BAZ2A: variants seen among roughly 807,000 people sequenced by gnomAD.
BAZ2A encodes bromodomain adjacent to zinc finger domain protein 2A.
A neutral mutation model predicts 199.9 loss-of-function variants in BAZ2A; 34 were observed. The observed-to-expected ratio is 0.17, with a 90% confidence interval of 0.13 to 0.23. The LOEUF (loss-of-function observed/expected upper bound fraction) is 0.23. BAZ2A is among the 10% of genes least tolerant of loss of function. BAZ2A has a pLI of 1.00. For synonymous variants in BAZ2A, 857 were observed against 883.9 expected (o/e 0.97, Z 0.54); for missense variants, 2,002 against 2,391.1 (o/e 0.84, Z 3.39).
chr12:56,604,557 A>G (rs1950284472), intron 15 of BAZ2A, 28 bp downstream of exon 15: 2 of 1,543,868 alleles, frequency 1.3e-6, no homozygotes, highest in African/African-American at 2.7e-5. Flanking sequence ...AAGGGATACA[A>G]TGACCATCCC....
At chr12:56,619,616 G>A (rs1217531058) in intron 1 of BAZ2A, among the ~76,000 whole-genome samples, 2 of 151,790 alleles carry the variant, frequency 1.3e-5, no homozygotes, top group African/African-American at 4.8e-5. Context: ...GACACCATTA[G>A]TATAAATGTG....
At chr12:56,625,863 G>A (rs1421432239) in intron 1 of BAZ2A, among the ~76,000 whole-genome samples, 11 of 100,812 alleles carry the variant, frequency 1.1e-4, no homozygotes, top group Non-Finnish European at 1.9e-4. Context: ...GCGACACAGC[G>A]AAACTCCGTC....
chr12:56,613,037 G>T lies in BAZ2A; in HGVS notation c.1113C>A (p.Val371=). The T allele has an allele frequency of 6.2e-7, 1 of 1,613,510 alleles. No homozygotes were observed. Among genetic ancestry groups the T allele is most frequent in the South Asian group, 1.1e-5 (1 of 91,064 alleles). The stretch of plus-strand genomic sequence containing the variant: ...TACCTTGCAGGACAGACTCCCCTAG[G>T]ACAGGTGGAGAGGTGGGACTGGCAA... ...SIFASPTSPP[V]LGESVLQDNS... Residue 371 remains valine, a synonymous_variant, in exon 5 of 29, where the codon GTC becomes GTA. Transcript: ENST00000549884.
upstream of BAZ2A, chr12:56,635,148 C>A (rs532633857): frequency 1.7e-4 from 106 of 619,770 alleles, no homozygotes; most frequent in African/African-American, 2.0e-3. This position sits in a 1 kb window ranked among gnomAD's most constrained non-coding sequence, Gnocchi z 4.1. Flanking sequence ...GAGAGGATAG[C>A]GGGTGGCGTC....
At chr12:56,623,992 G>A (rs1366852387) in intron 1 of BAZ2A, among the ~76,000 whole-genome samples, 4 of 151,902 alleles carry the variant, frequency 2.6e-5, no homozygotes, top group Non-Finnish European at 5.9e-5. Context: ...TAGGCTGGGA[G>A]AGGTGGCTCA....
At chr12:56,620,375 G>A (rs1444154733) in intron 1 of BAZ2A, among the ~76,000 whole-genome samples, 1 of 151,954 alleles carries the variant, frequency 6.6e-6, no homozygotes, top group Admixed American at 6.6e-5. Context: ...ATGGTGAGCA[G>A]CTGCAGTCCC....
chr12:56,612,330 C>T, intron 5 of BAZ2A, 84 bp from the exon 6 acceptor site: 1 of 1,211,318 alleles, frequency 8.3e-7, no homozygotes, highest in Non-Finnish European at 1.1e-6. Flanking sequence ...CAACCCTGGA[C>T]CAAGCTAAAC....
chr12:56,634,921 C>CTGGA (rs1317898009), upstream of BAZ2A: 15 of 985,138 alleles, frequency 1.5e-5, no homozygotes, highest in Non-Finnish European at 1.8e-5. Flanking sequence ...GACTCCGGAG[C>CTGGA]TGGAGGTGGG....
At chr12:56,609,665 T>G in intron 10 of BAZ2A, 71 bp downstream of exon 10, 1 of 1,446,580 alleles carries the variant, frequency 6.9e-7, no homozygotes, top group Non-Finnish European at 9.6e-7. Flanking sequence ...AATCCAGGTA[T>G]TAGCAATTCA....
chr12:56,617,545 A>G lies in BAZ2A; in HGVS notation c.-2-13T>C. 6.3e-7 allele frequency: 1 copy of G among 1,598,228 alleles called. No homozygotes were observed. Among genetic ancestry groups the G allele is most frequent in the Non-Finnish European group, 8.5e-7 (1 of 1,172,402 alleles). Reference sequence around the variant, plus strand: ...TTTGCCTCCATTTCTGCAGGAGGGGAGAGAGAGGGAAAAAAAATACTGGCG... The same window carrying G: ...TTTGCCTCCATTTCTGCAGGAGGGGGGAGAGAGGGAAAAAAAATACTGGCG... On this transcript the variant is annotated splice_polypyrimidine_tract_variant and intron_variant, in intron 1 of 28. Transcript: ENST00000549884.
chr12:56,617,497 G>A lies in BAZ2A; in HGVS notation c.34C>T (p.Leu12Phe), dbSNP rs756711183. 7.5e-6 allele frequency: 12 copies of A among 1,608,894 alleles called. No individual in the cohort carries two copies. The highest frequency in any genetic ancestry group is 9.3e-6 in the Non-Finnish European group (11 of 1,177,808). ...EANDHFNFTG[L>F]PPAPAASGLK... ...CCTGAGGCAGCAGGTGCAGGGGGAA[G>A]GCCAGTAAAGTTAAAATGGTCGTTT... is the stretch of plus-strand genomic sequence containing the variant. Residue 12 changes from leucine to phenylalanine, a missense_variant, in exon 2 of 29, where the codon CTT (leucine) becomes TTT (phenylalanine). Physicochemically the swap from Leu to Phe is conservative, Grantham distance 22. Coordinates refer to ENST00000549884, the MANE Select transcript of BAZ2A (RefSeq NM_001300905.2).
intron 1 of BAZ2A, among the ~76,000 whole-genome samples, chr12:56,626,981 G>T (rs1951115534): frequency 6.6e-6 from 1 of 152,168 alleles, no homozygotes; most frequent in Non-Finnish European, 1.5e-5. Flanking sequence ...AACCCCAACA[G>T]CCCCAGTGAG....
At chr12:56,628,315 C>G (rs1448836234) in intron 1 of BAZ2A, among the ~76,000 whole-genome samples, 1 of 151,152 alleles carries the variant, frequency 6.6e-6, no homozygotes, top group East Asian at 1.9e-4. Context: ...ACATAGCACA[C>G]AGTCCATCAC....
intron 1 of BAZ2A, among the ~76,000 whole-genome samples, chr12:56,626,812 T>C (rs577219932): frequency 7.9e-5 from 12 of 152,338 alleles, no homozygotes; most frequent in African/African-American, 2.9e-4. Flanking sequence ...TGCTGTTCTG[T>C]CAAGTGCCAA....
chr12:56,630,696 CGTGGAAATAGAAAGGTTAGTCACTCAG>C (rs1199316311), upstream of BAZ2A: 2 of 869,154 alleles, frequency 2.3e-6, no homozygotes, highest in African/African-American at 3.7e-5. Context: ...GTAATGGAAA[CGTGGAAATAGAAAGGTTAGTCACTCAG>C]GTCGCGATTC....
chr12:56,607,554 G>T (rs1191475033), intron 10 of BAZ2A, among the ~76,000 whole-genome samples: 1 of 152,054 alleles, frequency 6.6e-6, no homozygotes, highest in African/African-American at 2.4e-5. Flanking sequence ...AGTATTTTTA[G>T]TACAAGCGGA....
chr12:56,612,550 T>G (rs185861950), intron 5 of BAZ2A, among the ~76,000 whole-genome samples: 1 of 152,220 alleles, frequency 6.6e-6, no homozygotes, highest in Non-Finnish European at 1.5e-5. Flanking sequence ...GGTCGGAGTA[T>G]AGCAGCCTAT....
intron 2 of BAZ2A, among the ~76,000 whole-genome samples, 177 bp from the exon 3 acceptor site, chr12:56,615,784 A>C (rs1274048436): frequency 6.6e-6 from 1 of 152,156 alleles, no homozygotes; most frequent in Non-Finnish European, 1.5e-5. Context: ...AGGCTCCTGG[A>C]TGTAGGTTTA....
Position 56,606,690 on chromosome 12 carries a change from C to A in BAZ2A, c.2136G>T (p.Lys712Asn), listed in dbSNP as rs1950366689. ...EEDKAKIAKS[K>N]KKMRQKVQRG... ...GTTGAACCTTCTGCCTCATCTTCTTCTTGCTTTTAGCAATCTTTGCTTTAT... is the reference window on the plus strand; with the variant it reads ...GTTGAACCTTCTGCCTCATCTTCTTATTGCTTTTAGCAATCTTTGCTTTAT... The change falls in exon 11 of 29, where the codon AAG becomes AAT. Residue 712 changes from lysine (K) to asparagine (N), a missense_variant. Transcript: ENST00000549884. The A allele has an allele frequency of 6.2e-7, 1 of 1,613,898 alleles. No individual in the cohort carries two copies. Among genetic ancestry groups the A allele is most frequent in the East Asian group, 2.2e-5 (1 of 44,862 alleles).
Sources: gnomAD v4.1 joint callset for allele counts (sites outside exome capture counted in the v4.1 genomes callset) on GRCh38, gnomAD v4.1.1 for gene constraint, Gnocchi (gnomAD v3.1) non-coding constraint, MANE v1.5 for transcripts, NCBI Gene and HGNC (gene_info 2026-07-23, HGNC 2026-07-21) for gene names.